The following PRDM16 variants were observed in gnomAD, a reference collection of about 807,000 sequenced individuals.
PRDM16 encodes PR/SET domain 16, also known as histone-lysine N-methyltransferase PRDM16.
In PRDM16, 23 loss-of-function variants were observed where a neutral mutation model predicts 110.6. The observed-to-expected ratio is 0.21, with a 90% CI of 0.15 to 0.29. The LOEUF is 0.29. Ranked by LOEUF, PRDM16 falls within the 10% of genes least tolerant of loss-of-function variation. PRDM16 has a pLI of 1.00. For missense variants in PRDM16, 1,615 were observed against 1,794.3 expected (o/e 0.90, Z 1.81); for synonymous variants, 799 against 781.8 (o/e 1.02, Z -0.37).
intron 5 of PRDM16, 142 bp from the exon 6 acceptor site, chr1:3,402,649 T>G (rs1643492344): frequency 1.5e-6 from 1 of 677,312 alleles, no homozygotes; most frequent in Admixed American, 2.8e-5. Flanking sequence ...AGTTGAAGGC[T>G]GGAAGGAAGC....
chr1:3,114,203 G>GAA (rs1642873334), intron 1 of PRDM16, among the ~76,000 whole-genome samples: 5 of 117,614 alleles, frequency 4.3e-5, no homozygotes, highest in African/African-American at 1.7e-4. Context: ...GCACACGCAC[G>GAA]CACACACGCA....
At chr1:3,296,925 G>A (rs529507551) in intron 3 of PRDM16, among the ~76,000 whole-genome samples, 12 of 152,240 alleles carry the variant, frequency 7.9e-5, no homozygotes, top group African/African-American at 1.9e-4. Context: ...ACCTTAACGC[G>A]CTCAGACACT....
intron 1 of PRDM16, among the ~76,000 whole-genome samples, chr1:3,083,325 A>G (rs1230785626): frequency 6.6e-6 from 1 of 152,164 alleles, no homozygotes; most frequent in African/African-American, 2.4e-5. Context: ...CCTGTCCTGG[A>G]CTGGGCGGCG....
At chr1:3,242,656 C>T (rs143453673) in intron 2 of PRDM16, among the ~76,000 whole-genome samples, 1 of 152,294 alleles carries the variant, frequency 6.6e-6, no homozygotes, top group African/African-American at 2.4e-5. Flanking sequence ...CAGGGTGACC[C>T]GGAAGGCGAT....
Position 3,143,300 on chromosome 1 carries a change from T to G in PRDM16, c.38-42825T>G, listed in dbSNP as rs1162292618. Among the ~76,000 whole-genome samples, 1 of 152,016 alleles carries G rather than the reference T, an allele frequency of 6.6e-6. No individual in the cohort carries two copies. Among genetic ancestry groups the G allele is most frequent in the African/African-American group, 2.4e-5 (1 of 41,366 alleles). ...GTGGACATGGGTCCGGGCTGAGGAC[T>G]TCGTCAGGTGTCAGGACTCGGGACA... On this transcript the variant is annotated intron_variant, in intron 1 of 16. Coordinates refer to ENST00000270722, the MANE Select transcript of PRDM16 (RefSeq NM_022114.4). This position sits in a 1 kb window ranked among gnomAD's most constrained non-coding sequence, Gnocchi z 4.5.
At chr1:3,078,363 C>A (rs931406045) in intron 1 of PRDM16, among the ~76,000 whole-genome samples, 3 of 152,230 alleles carry the variant, frequency 2.0e-5, no homozygotes, top group Admixed American at 6.5e-5. Context: ...CACACAGACT[C>A]TGTGTCCTCA....
At position 3,353,257 on chromosome 1, in the gene PRDM16, G is replaced by A. The variant is rs115434746; in HGVS notation, c.439-31895G>A. Among the ~76,000 whole-genome samples, 1 of 152,364 alleles carries A rather than the reference G, an allele frequency of 6.6e-6. No homozygotes were observed. The highest frequency in any genetic ancestry group is 2.4e-5 in the African/African-American group (1 of 41,594). ...TGAGGTGCGGTAAAAGTTTACGAGG[G>A]CTGGGCAGCTCCTAGGCATGGGCAG... On this transcript the variant is annotated intron_variant, in intron 3 of 16. Coordinates refer to ENST00000270722, the MANE Select transcript of PRDM16 (RefSeq NM_022114.4). This position sits in a 1 kb window ranked among gnomAD's most constrained non-coding sequence, Gnocchi z 5.4.
intron 3 of PRDM16, among the ~76,000 whole-genome samples, chr1:3,260,814 T>C (rs1174525551): frequency 3.2e-5 from 1 of 31,354 alleles, no homozygotes; most frequent in Admixed American, 3.5e-4. Context: ...GATGATACCA[T>C]TGATGATGAC....
intron 3 of PRDM16, among the ~76,000 whole-genome samples, chr1:3,281,227 C>A (rs1371797756): frequency 6.6e-6 from 1 of 152,234 alleles, no homozygotes; most frequent in Non-Finnish European, 1.5e-5. Context: ...CAGCCCCTAC[C>A]TGAGAACGCA....
At chr1:3,085,648 G>A (rs1261265009) in intron 1 of PRDM16, among the ~76,000 whole-genome samples, 3 of 152,220 alleles carry the variant, frequency 2.0e-5, no homozygotes, top group African/African-American at 4.8e-5. Flanking sequence ...CATCAAGAAC[G>A]GGTGGTCCCT....
chr1:3,094,342 T>G (rs928058655), intron 1 of PRDM16, among the ~76,000 whole-genome samples: 2 of 152,218 alleles, frequency 1.3e-5, no homozygotes, highest in Non-Finnish European at 2.9e-5. Context: ...CGGAACGACT[T>G]GGAAGTAAAT....
intron 1 of PRDM16, among the ~76,000 whole-genome samples, chr1:3,072,694 C>T (rs1641795288): frequency 6.6e-6 from 1 of 152,242 alleles, no homozygotes; most frequent in Admixed American, 6.5e-5. Flanking sequence ...AGTCCCCTCC[C>T]CAGAGCCAGG....
chr1:3,428,450 C>T (rs1557671650), intron 14 of PRDM16, among the ~76,000 whole-genome samples: 1 of 152,200 alleles, frequency 6.6e-6, no homozygotes, highest in East Asian at 1.9e-4. Context: ...GAGGGAGGCT[C>T]TCCACACCTC....
chr1:3,340,044 G>A (rs374362275), intron 3 of PRDM16, among the ~76,000 whole-genome samples: 17 of 152,322 alleles, frequency 1.1e-4, no homozygotes, highest in African/African-American at 3.4e-4. Context: ...TCTCTGCTGC[G>A]TATGGACGGA....
chr1:3,075,426 G>C (rs972807942), intron 1 of PRDM16, among the ~76,000 whole-genome samples: 1 of 152,218 alleles, frequency 6.6e-6, no homozygotes, highest in African/African-American at 2.4e-5. Context: ...AATGCGATTG[G>C]TGTGTTTAAT....
intron 2 of PRDM16, among the ~76,000 whole-genome samples, chr1:3,233,967 G>A (rs1022190200): frequency 7.9e-5 from 12 of 152,040 alleles, no homozygotes; most frequent in Non-Finnish European, 1.6e-4. Flanking sequence ...GGTGGGAGTG[G>A]CTGCTGGAGG....
rs560192840 is a variant in PRDM16 at position 3,289,819 on chromosome 1, G to A, written c.438+45682G>A. Among the ~76,000 whole-genome samples, 51 of 152,204 alleles carry A rather than the reference G, an allele frequency of 3.4e-4. No homozygotes were observed. The South Asian group carries it at 6.2e-3, about 19-fold the overall frequency. On this transcript the variant is annotated intron_variant, in intron 3 of 16. Coordinates refer to ENST00000270722, the MANE Select transcript of PRDM16 (RefSeq NM_022114.4). ...CAGGGCAAAGGATGGAAAGAAGGCC[G>A]GGGCCCCGCTCCCACCCAGGAGTCA...
intron 1 of PRDM16, among the ~76,000 whole-genome samples, chr1:3,149,163 G>A (rs1234222402): frequency 6.6e-6 from 1 of 152,182 alleles, no homozygotes; most frequent in African/African-American, 2.4e-5. Flanking sequence ...GGGGTGGGGG[G>A]CATGGAGCCT....
intron 3 of PRDM16, among the ~76,000 whole-genome samples, chr1:3,279,295 C>T (rs1038392270): frequency 9.2e-5 from 14 of 152,252 alleles, no homozygotes; most frequent in Non-Finnish European, 7.3e-5. Flanking sequence ...AGCCTGTGGT[C>T]AGGCCGCCTC....
Sources: gnomAD v4.1 joint callset for allele counts (sites outside exome capture counted in the v4.1 genomes callset) on GRCh38, gnomAD v4.1.1 for gene constraint, Gnocchi (gnomAD v3.1) non-coding constraint, MANE v1.5 for transcripts, NCBI Gene and HGNC (gene_info 2026-07-23, HGNC 2026-07-21) for gene names.